Variants in DIP2C observed in about 807,000 individuals in gnomAD.
The protein encoded by DIP2C is disco-interacting protein 2 homolog C.
A neutral mutation model predicts 192.4 loss-of-function variants in DIP2C; 33 were observed. That is an observed-to-expected ratio of 0.17 (90% CI 0.13 to 0.23). DIP2C has a LOEUF of 0.23. Among genes scored for constraint, DIP2C ranks in the 10% least tolerant of loss-of-function variants. The pLI, the probability that DIP2C is intolerant of heterozygous loss-of-function variation, is 1.00. For missense variants in DIP2C, 1,537 were observed against 2,110.1 expected, an observed-to-expected ratio of 0.73 and a Z score of 5.32; for synonymous variants, 979 against 864.1, an observed-to-expected ratio of 1.13 and a Z score of -2.33.
chr10:530,520 T>G (rs548401375), intron 1 of DIP2C, among the ~76,000 whole-genome samples: 1 of 151,834 alleles, frequency 6.6e-6, no homozygotes, highest in East Asian at 1.9e-4. Flanking sequence ...CTGCTGACTT[T>G]TAAAAACATG....
chr10:530,806 A>C (rs1847321524), intron 1 of DIP2C, among the ~76,000 whole-genome samples: 1 of 152,210 alleles, frequency 6.6e-6, no homozygotes, highest in Non-Finnish European at 1.5e-5. Flanking sequence ...TGCAAGCGGC[A>C]TCACAGGGAG....
intron 3 of DIP2C, among the ~76,000 whole-genome samples, chr10:446,485 T>C (rs1968230756): frequency 6.6e-6 from 1 of 152,248 alleles, no homozygotes; most frequent in Non-Finnish European, 1.5e-5. Flanking sequence ...TGGTTGCTTC[T>C]AGATTTCCTA....
chr10:548,911 C>CAAAAGAA (rs1848447019), intron 1 of DIP2C, among the ~76,000 whole-genome samples: 1 of 26,462 alleles, frequency 3.8e-5, no homozygotes, highest in Non-Finnish European at 7.5e-5. Flanking sequence ...TAGCAGCTCA[C>CAAAAGAA]AAAAAAAAAA....
At chr10:362,056 T>C (rs1791711530) in intron 22 of DIP2C, among the ~76,000 whole-genome samples, 1 of 145,880 alleles carries the variant, frequency 6.9e-6, no homozygotes, top group African/African-American at 2.6e-5. Context: ...ATGAGAACAA[T>C]GGTGTGGGGG....
chr10:332,454 T>C (rs959350442), intron 29 of DIP2C, among the ~76,000 whole-genome samples: 6 of 152,218 alleles, frequency 3.9e-5, no homozygotes, highest in East Asian at 1.9e-4. Flanking sequence ...CAGAAACAAA[T>C]AGAAAACCCA....
intron 3 of DIP2C, among the ~76,000 whole-genome samples, chr10:460,464 A>G (rs745528976): frequency 1.4e-4 from 22 of 152,254 alleles, no homozygotes; most frequent in Admixed American, 3.3e-4. Flanking sequence ...ATTACAAAGT[A>G]AGGTCATGGG....
intron 9 of DIP2C, among the ~76,000 whole-genome samples, chr10:400,698 C>T: frequency 6.6e-6 from 1 of 151,892 alleles, no homozygotes; most frequent in Non-Finnish European, 1.5e-5. Flanking sequence ...TTCATCAGCA[C>T]ATGAATCCTG....
At chr10:385,903 C>A (rs77047070) in intron 14 of DIP2C, among the ~76,000 whole-genome samples, 1 of 152,042 alleles carries the variant, frequency 6.6e-6, no homozygotes, top group African/African-American at 2.4e-5. Context: ...TCTGCCGACT[C>A]CCCGCCACTC....
At chr10:620,577 A>G (rs1260542544) in intron 1 of DIP2C, among the ~76,000 whole-genome samples, 1 of 152,232 alleles carries the variant, frequency 6.6e-6, no homozygotes, top group East Asian at 1.9e-4. Context: ...ATGAAAAGAA[A>G]CCACTAACCA....
intron 1 of DIP2C, among the ~76,000 whole-genome samples, chr10:493,746 A>T (rs1217748001): frequency 1.3e-5 from 2 of 152,214 alleles, no homozygotes; most frequent in African/African-American, 4.8e-5. Flanking sequence ...TTATCCACCT[A>T]CAAAGTCGGG....
At chr10:493,726 TG>T (rs781318993) in intron 1 of DIP2C, among the ~76,000 whole-genome samples, 1 of 152,214 alleles carries the variant, frequency 6.6e-6, no homozygotes, top group Non-Finnish European at 1.5e-5. Context: ...GGAGAAAGGA[TG>T]GAGGCCGATT....
intron 1 of DIP2C, among the ~76,000 whole-genome samples, chr10:585,053 G>A (rs1049881123): frequency 2.0e-5 from 3 of 151,864 alleles, no homozygotes; most frequent in Non-Finnish European, 4.4e-5. Flanking sequence ...CAATCTCAGG[G>A]CCCACGACCT....
rs577151944 is a variant in DIP2C at position 394,744 on chromosome 10, G to A, written c.1261-3881C>T. Reference sequence around the variant, plus strand: ...CAGTGGGCGCTATTCAGCCTTCAGGGAGGAGGGAAGCCTGCCACATGCTGA... The same window carrying A: ...CAGTGGGCGCTATTCAGCCTTCAGGAAGGAGGGAAGCCTGCCACATGCTGA... On this transcript the variant is annotated intron_variant, in intron 10 of 36. Coordinates refer to ENST00000280886, the MANE Select transcript of DIP2C (RefSeq NM_014974.3). 2.0e-5 allele frequency among the ~76,000 whole-genome samples: 3 copies of A among 147,942 alleles called. No individual in the cohort carries two copies. The South Asian group carries it at 6.5e-4, about 32-fold the overall frequency.
At chr10:452,353 T>C (rs558017994) in intron 3 of DIP2C, among the ~76,000 whole-genome samples, 1 of 152,190 alleles carries the variant, frequency 6.6e-6, no homozygotes, top group Admixed American at 6.5e-5. Context: ...TGCAGACCCT[T>C]AGAGCGCGCA....
At chr10:619,816 A>G (rs1298565400) in intron 1 of DIP2C, among the ~76,000 whole-genome samples, 1 of 152,126 alleles carries the variant, frequency 6.6e-6, no homozygotes, top group African/African-American at 2.4e-5. Context: ...AGTCCTGGAT[A>G]AAAATGGCAG....
chr10:465,492 C>A (rs1023525736), intron 3 of DIP2C, among the ~76,000 whole-genome samples: 5 of 152,004 alleles, frequency 3.3e-5, no homozygotes, highest in Non-Finnish European at 4.4e-5. Context: ...CAGGGATGCC[C>A]TCTCTCACCA....
chr10:423,093 AGTCCCTC>A, intron 4 of DIP2C, 60 bp from the exon 5 acceptor site: 1 of 1,455,562 alleles, frequency 6.9e-7, no homozygotes, highest in Non-Finnish European at 9.3e-7. Flanking sequence ...CCACAATCTC[AGTCCCTC>A]GCCAAACACA....
intron 1 of DIP2C, among the ~76,000 whole-genome samples, chr10:545,546 A>T (rs1350332503): frequency 2.0e-5 from 3 of 151,944 alleles, no homozygotes; most frequent in Non-Finnish European, 4.4e-5. Flanking sequence ...CACAGAGAAG[A>T]CGCCGTCTAC....
chr10:554,609 T>C (rs1340405758), intron 1 of DIP2C, among the ~76,000 whole-genome samples: 1 of 152,236 alleles, frequency 6.6e-6, no homozygotes, highest in Non-Finnish European at 1.5e-5. Flanking sequence ...AGACCCCGGT[T>C]CCCTTCTCCT....
Sources: allele counts gnomAD v4.1 joint callset (sites outside exome capture counted in the v4.1 genomes callset), GRCh38; gene constraint gnomAD v4.1.1; transcripts MANE v1.5; gene names NCBI Gene and HGNC (gene_info 2026-07-23, HGNC 2026-07-21).